YPEL1: variants seen among roughly 807,000 people sequenced by gnomAD.
YPEL1 encodes protein yippee-like 1.
YPEL1 carries 7 observed loss-of-function variants against 17.3 expected under a neutral mutation model. That is an observed-to-expected ratio of 0.40 (90% CI 0.23 to 0.76). The LOEUF (loss-of-function observed/expected upper bound fraction) is 0.76. Ranked by LOEUF, YPEL1 falls within the 30% of genes least tolerant of loss-of-function variation. The probability of loss-of-function intolerance (pLI) is 0.35; values close to 1 mark genes in which losing one functional copy is unlikely to be tolerated. For missense variants in YPEL1, 91 were observed against 155.5 expected (o/e 0.59, Z 2.21); for synonymous variants, 59 against 59.6 (o/e 0.99, Z 0.05).
At chr22:21,702,402 A>G (rs1366344055) in intron 4 of YPEL1, among the ~76,000 whole-genome samples, 1 of 152,168 alleles carries the variant, frequency 6.6e-6, no homozygotes, top group Non-Finnish European at 1.5e-5. Context: ...TCCAAAACTC[A>G]TGAGGAATCT....
intron 1 of YPEL1, among the ~76,000 whole-genome samples, chr22:21,722,622 CA>C (rs142982142): frequency 4.3e-5 from 6 of 138,226 alleles, no homozygotes; most frequent in African/African-American, 1.1e-4. Flanking sequence ...GTCTCGGGGG[CA>C]AAAAAAAAAC....
chr22:21,732,207 C>T (rs2068394458), intron 1 of YPEL1, among the ~76,000 whole-genome samples: 1 of 152,210 alleles, frequency 6.6e-6, no homozygotes, highest in African/African-American at 2.4e-5. Context: ...TGACTTCTTT[C>T]CTGAATCTAT....
Position 21,705,932 on chromosome 22 carries a change from C to T in YPEL1, c.118-2050G>A, listed in dbSNP as rs564638979. On this transcript the variant is annotated intron_variant, in intron 2 of 4. Coordinates refer to ENST00000339468, the MANE Select transcript of YPEL1 (RefSeq NM_013313.5). ...ATCACCTGAGGTCAGGATTTTAAGA[C>T]AAGCCTGGCCAACATGGAGAAATCC... is the stretch of plus-strand genomic sequence containing the variant. Among the ~76,000 whole-genome samples the T allele has an allele frequency of 3.3e-5, 5 of 151,992 alleles. No homozygotes were observed. The South Asian group carries it at 1.0e-3, about 32-fold the overall frequency.
At chr22:21,713,600 T>C (rs2068192499) in intron 1 of YPEL1, among the ~76,000 whole-genome samples, 1 of 152,136 alleles carries the variant, frequency 6.6e-6, no homozygotes. Flanking sequence ...CCCCGCTTCA[T>C]GGGTGCAGTG....
Position 21,703,251 on chromosome 22 carries a change from TG to T in YPEL1, c.270+118del. On this transcript the variant is annotated intron_variant, in intron 4 of 4. Coordinates refer to ENST00000339468, the MANE Select transcript of YPEL1 (RefSeq NM_013313.5). This position sits in a 1 kb window ranked among gnomAD's most constrained non-coding sequence, Gnocchi z 6.1. Reference sequence around the variant, plus strand: ...GGACTTCCCACCTCGGCTGAGGAACTGGGGTTTCTGAAAGTGCTGTGACTGG... The same window carrying T: ...GGACTTCCCACCTCGGCTGAGGAACTGGGTTTCTGAAAGTGCTGTGACTGG... The T allele has an allele frequency of 2.4e-6, 2 of 848,822 alleles. No homozygotes were observed. Among genetic ancestry groups the T allele is most frequent in the Non-Finnish European group, 3.8e-6 (2 of 521,556 alleles). The allele number at this position is 848,822 out of a possible 1,614,324, so 52.6% of individuals were successfully genotyped here. A position where few individuals can be genotyped will look rare whatever the true frequency, so the allele number is the denominator to read the frequency against.
chr22:21,703,608 C>T lies in YPEL1; in HGVS notation c.162-130G>A, dbSNP rs1424164506. The T allele has an allele frequency of 7.8e-6, 7 of 891,864 alleles. No homozygotes were observed. Among genetic ancestry groups the T allele is most frequent in the Middle Eastern group, 3.2e-4 (1 of 3,142 alleles). 55.2% of individuals were successfully genotyped at this position (891,864 alleles called of 1,614,324 possible). On this transcript the variant is annotated intron_variant, in intron 3 of 4. Transcript: ENST00000339468. The surrounding 1 kb of genome is among the most constrained non-coding windows in gnomAD (Gnocchi z 6.1). ...CAGGGAAACTCCCAGAGAGCAGTGC[C>T]GTGCCTCTCCCCCAGCCCTGCCCGC...
intron 1 of YPEL1, among the ~76,000 whole-genome samples, chr22:21,715,545 C>T (rs1737203371): frequency 2.6e-5 from 4 of 151,854 alleles, no homozygotes; most frequent in African/African-American, 9.7e-5. Flanking sequence ...ACGCTGCTTA[C>T]TATGTATAGT....
rs372764943 is a variant in YPEL1 at position 21,703,666 on chromosome 22, A to G, written c.161+173T>C. Reference sequence around the variant, plus strand: ...ATCAATGGGAAAGATCAGTGATGGGACAGGCTAGGGGGCAAGATCCTTAGC... The same window carrying G: ...ATCAATGGGAAAGATCAGTGATGGGGCAGGCTAGGGGGCAAGATCCTTAGC... On this transcript the variant is annotated intron_variant, in intron 3 of 4. Transcript: ENST00000339468. This position sits in a 1 kb window ranked among gnomAD's most constrained non-coding sequence, Gnocchi z 6.1. Among the ~76,000 whole-genome samples the G allele has an allele frequency of 3.4e-5, 5 of 146,506 alleles. No homozygotes were observed. Among genetic ancestry groups the G allele is most frequent in the South Asian group, 4.4e-4 (2 of 4,564 alleles).
At chr22:21,729,711 TG>T (rs962789985) in intron 1 of YPEL1, among the ~76,000 whole-genome samples, 18 of 152,362 alleles carry the variant, frequency 1.2e-4, no homozygotes, top group Middle Eastern at 3.4e-3. Flanking sequence ...AGCACAGCCC[TG>T]GATGGGGGTT....
chr22:21,703,258 T>TA lies in YPEL1; in HGVS notation c.270+111_270+112insT. 9 of 925,850 alleles carry TA rather than the reference T, an allele frequency of 9.7e-6. No homozygotes were observed. In the South Asian group the frequency reaches 1.3e-4, roughly 13 times the overall value. The allele number at this position is 925,850 out of a possible 1,614,324, so 57.4% of individuals were successfully genotyped here. A position where few individuals can be genotyped will look rare whatever the true frequency, so the allele number is the denominator to read the frequency against. On this transcript the variant is annotated intron_variant, in intron 4 of 4. Transcript: ENST00000339468. This position sits in a 1 kb window ranked among gnomAD's most constrained non-coding sequence, Gnocchi z 6.1. Reference sequence around the variant, plus strand: ...CCACCTCGGCTGAGGAACTGGGGTTTCTGAAAGTGCTGTGACTGGTACCAT... The same window carrying TA: ...CCACCTCGGCTGAGGAACTGGGGTTTACTGAAAGTGCTGTGACTGGTACCAT...
intron 1 of YPEL1, among the ~76,000 whole-genome samples, chr22:21,728,994 T>C (rs1275672856): frequency 6.6e-6 from 1 of 151,946 alleles, no homozygotes; most frequent in Non-Finnish European, 1.5e-5. Flanking sequence ...AATACAAAAA[T>C]TAGCCGGGCA....
At chr22:21,701,444 C>T (rs748223800) in intron 4 of YPEL1, among the ~76,000 whole-genome samples, 1 of 152,296 alleles carries the variant, frequency 6.6e-6, no homozygotes, top group South Asian at 2.1e-4. Flanking sequence ...GTGCTCGCTT[C>T]GGCAGCGCAT....
chr22:21,729,704 A>G (rs539332396), intron 1 of YPEL1, among the ~76,000 whole-genome samples: 1 of 152,364 alleles, frequency 6.6e-6, no homozygotes, highest in East Asian at 1.9e-4. Context: ...TCCTAGGAGC[A>G]CAGCCCTGGA....
rs1405816377 is a variant in YPEL1, at chr22:21,703,388, G to A, written c.252C>T (p.Thr84=). The change falls in exon 4 of 5, where the codon ACC becomes ACT. Residue 84 remains threonine (T), a synonymous_variant. Coordinates refer to ENST00000339468, the MANE Select transcript of YPEL1 (RefSeq NM_013313.5). This position sits in a 1 kb window ranked among gnomAD's most constrained non-coding sequence, Gnocchi z 6.1. ...VADIYCENCK[T]TLGWKYEHAF... is the part of the protein sequence containing the mutation. ...CACTCACGTATTTCCACCCGAGCGT[G>A]GTCTTGCAGTTCTCGCAGTAGATGT... is the stretch of plus-strand genomic sequence containing the variant. 6.2e-7 allele frequency: 1 copy of A among 1,613,580 alleles called. No individual in the cohort carries two copies. Among genetic ancestry groups the A allele is most frequent in the South Asian group, 1.1e-5 (1 of 91,090 alleles).
intron 1 of YPEL1, among the ~76,000 whole-genome samples, chr22:21,729,321 T>C (rs1318481375): frequency 1.4e-5 from 2 of 146,844 alleles, no homozygotes; most frequent in African/African-American, 5.1e-5. Context: ...AAAAAAAAAG[T>C]TGATAAGGTC....
At chr22:21,706,065 G>A (rs1366249087) in intron 2 of YPEL1, among the ~76,000 whole-genome samples, 1 of 151,184 alleles carries the variant, frequency 6.6e-6, no homozygotes, top group Non-Finnish European at 1.5e-5. Flanking sequence ...GGGAGGGGGA[G>A]GTTGCAGTGA....
chr22:21,732,710 A>G (rs1031734061), intron 1 of YPEL1, among the ~76,000 whole-genome samples: 6 of 151,334 alleles, frequency 4.0e-5, no homozygotes, highest in Admixed American at 1.3e-4. Context: ...TGAACCCGGG[A>G]GGCGGAGGCT....
intron 2 of YPEL1, among the ~76,000 whole-genome samples, chr22:21,705,956 C>T (rs951512656): frequency 6.6e-5 from 10 of 151,828 alleles, no homozygotes; most frequent in African/African-American, 2.4e-4. Flanking sequence ...ATGGAGAAAT[C>T]CCGTCTCTGA....
chr22:21,721,051 T>C (rs1463924369), intron 1 of YPEL1, among the ~76,000 whole-genome samples: 1 of 151,674 alleles, frequency 6.6e-6, no homozygotes, highest in Non-Finnish European at 1.5e-5. Context: ...CCTCAAGTGA[T>C]CTGTCTGCCT....
Sources: gnomAD v4.1 joint callset for allele counts (sites outside exome capture counted in the v4.1 genomes callset) on GRCh38, gnomAD v4.1.1 for gene constraint, Gnocchi (gnomAD v3.1) non-coding constraint, MANE v1.5 for transcripts, NCBI Gene and HGNC (gene_info 2026-07-23, HGNC 2026-07-21) for gene names.